The following OPCML variants were observed in gnomAD, a reference collection of about 807,000 sequenced individuals.
The protein encoded by OPCML is opioid binding protein/cell adhesion molecule like, also known as opioid-binding protein/cell adhesion molecule.
Under a neutral mutation model 37.8 loss-of-function variants are expected in OPCML, and 13 were observed. The observed-to-expected ratio is 0.34, with a 90% CI of 0.22 to 0.55. The LOEUF is 0.55. Ranked by LOEUF, OPCML falls within the 20% of genes least tolerant of loss-of-function variation. The pLI, the probability that OPCML is intolerant of heterozygous loss-of-function variation, is 0.91. For missense variants in OPCML, 341 were observed against 435.6 expected, an observed-to-expected ratio of 0.78 and a Z score of 1.93; for synonymous variants, 176 against 168.8, an observed-to-expected ratio of 1.04 and a Z score of -0.33.
At chr11:132,930,378 A>C (rs1399114325) in intron 2 of OPCML, among the ~76,000 whole-genome samples, 2 of 152,102 alleles carry the variant, frequency 1.3e-5, no homozygotes, top group African/African-American at 2.4e-5. Flanking sequence ...TGTCTCAAAA[A>C]ATAAAAATAA....
intron 2 of OPCML, among the ~76,000 whole-genome samples, chr11:132,922,099 C>G (rs915028367): frequency 2.0e-5 from 3 of 151,992 alleles, no homozygotes; most frequent in African/African-American, 7.2e-5. Context: ...AGGCTGGTCT[C>G]GAACTCCTGA....
intron 1 of OPCML, among the ~76,000 whole-genome samples, chr11:133,488,604 A>T (rs373824377): frequency 1.3e-5 from 2 of 152,304 alleles, no homozygotes; most frequent in South Asian, 2.1e-4. Context: ...ACACTAATAA[A>T]TGGAAAAAAT....
chr11:133,171,470 G>C (rs1950288147), intron 1 of OPCML, among the ~76,000 whole-genome samples: 1 of 152,204 alleles, frequency 6.6e-6, no homozygotes, highest in African/African-American at 2.4e-5. Context: ...TGTTAGAACA[G>C]TCTGTCACTC....
intron 1 of OPCML, among the ~76,000 whole-genome samples, chr11:133,455,525 C>A (rs951962421): frequency 6.6e-6 from 1 of 152,138 alleles, no homozygotes; most frequent in Non-Finnish European, 1.5e-5. Context: ...CTCCTCTCTG[C>A]GCAGTCATTT....
intron 2 of OPCML, among the ~76,000 whole-genome samples, chr11:132,888,589 A>G (rs573463948): frequency 1.3e-5 from 2 of 152,336 alleles, no homozygotes; most frequent in African/African-American, 4.8e-5. Flanking sequence ...TTGCTTCGGA[A>G]AAAGCTCTGT....
intron 1 of OPCML, among the ~76,000 whole-genome samples, chr11:133,474,059 C>T (rs1019585872): frequency 5.9e-5 from 9 of 152,312 alleles, no homozygotes; most frequent in African/African-American, 2.2e-4. Flanking sequence ...AAGACCCCAT[C>T]ATCTTTTTAC....
Position 132,485,345 on chromosome 11 carries a change from C to T in OPCML, c.505+43716G>A, listed in dbSNP as rs146842591. 7.1e-3 allele frequency among the ~76,000 whole-genome samples: 1,086 copies of T among 152,258 alleles called. 10 individuals carry two copies. The highest frequency in any genetic ancestry group is 0.024 in the African/African-American group (1,002 of 41,544). On this transcript the variant is annotated intron_variant, in intron 4 of 7. Coordinates refer to ENST00000524381, the MANE Select transcript of OPCML (RefSeq NM_001012393.5). ...GTAGGAGAGAGGGGGTTCCAATTCACGGTTCTTTGTGTTTTTTGTTTGTTT... is the reference window on the plus strand; with the variant it reads ...GTAGGAGAGAGGGGGTTCCAATTCATGGTTCTTTGTGTTTTTTGTTTGTTT...
chr11:132,814,441 A>G (rs1939518181), intron 2 of OPCML, among the ~76,000 whole-genome samples: 2 of 152,214 alleles, frequency 1.3e-5, no homozygotes, highest in South Asian at 4.1e-4. Flanking sequence ...ATCCCAGCCC[A>G]AGGGCAGAAG....
At chr11:133,008,127 A>G (rs1947147776) in intron 1 of OPCML, 2 of 985,302 alleles carry the variant, frequency 2.0e-6, no homozygotes, top group Non-Finnish European at 2.4e-6. Flanking sequence ...CAGTTCTCCA[A>G]GCCTCTTGGG....
intron 1 of OPCML, among the ~76,000 whole-genome samples, chr11:133,198,307 T>C (rs1343344912): frequency 4.6e-5 from 7 of 152,210 alleles, no homozygotes; most frequent in Non-Finnish European, 1.0e-4. Flanking sequence ...TTTCTCACAG[T>C]TCTGAGTTTT....
intron 3 of OPCML, among the ~76,000 whole-genome samples, chr11:132,633,203 C>T (rs1198122662): frequency 6.6e-6 from 1 of 152,030 alleles, no homozygotes; most frequent in Non-Finnish European, 1.5e-5. Flanking sequence ...CAATCGGTAG[C>T]TCTCTCTCTT....
chr11:132,966,800 A>C (rs985451604), intron 1 of OPCML, among the ~76,000 whole-genome samples: 1 of 151,992 alleles, frequency 6.6e-6, no homozygotes, highest in African/African-American at 2.4e-5. Flanking sequence ...TCATAGTAAA[A>C]TGTCCTTCAA....
chr11:132,930,646 T>G (rs904743400), intron 2 of OPCML, among the ~76,000 whole-genome samples: 13 of 152,108 alleles, frequency 8.5e-5, no homozygotes, highest in Admixed American at 1.3e-4. Context: ...AGGAATAAAT[T>G]TAACTAAGAA....
intron 1 of OPCML, among the ~76,000 whole-genome samples, chr11:133,119,330 T>A (rs901458955): frequency 1.3e-5 from 2 of 151,920 alleles, no homozygotes; most frequent in African/African-American, 4.8e-5. Flanking sequence ...AATATCTATA[T>A]CTTTTCAAAT....
intron 1 of OPCML, among the ~76,000 whole-genome samples, chr11:132,946,705 G>A (rs1945751943): frequency 6.6e-6 from 1 of 152,222 alleles, no homozygotes; most frequent in South Asian, 2.1e-4. Flanking sequence ...TCATCCATAA[G>A]CTCCCGAGGT....
At chr11:133,340,533 A>C (rs770024871) in intron 1 of OPCML, among the ~76,000 whole-genome samples, 1 of 151,836 alleles carries the variant, frequency 6.6e-6, no homozygotes, top group Non-Finnish European at 1.5e-5. Flanking sequence ...AAGCTTGTAT[A>C]TTTCCCTCTA....
intron 1 of OPCML, among the ~76,000 whole-genome samples, chr11:133,523,314 C>T (rs1027783128): frequency 1.9e-4 from 29 of 151,940 alleles, no homozygotes; most frequent in Admixed American, 7.9e-4. Flanking sequence ...AACCTGAGGA[C>T]GGACGCTCTT....
chr11:132,874,868 T>C (rs1942951019), intron 2 of OPCML, among the ~76,000 whole-genome samples: 1 of 152,158 alleles, frequency 6.6e-6, no homozygotes, highest in Non-Finnish European at 1.5e-5. Context: ...CTGAGAAATG[T>C]GGGCTTAGCT....
chr11:133,422,370 A>G (rs1945906599), intron 1 of OPCML: 1 of 910,672 alleles, frequency 1.1e-6, no homozygotes, highest in South Asian at 5.0e-5. Flanking sequence ...CTCTCAGACC[A>G]AAGACATTAT....
Sources: gnomAD v4.1 joint callset for allele counts (sites outside exome capture counted in the v4.1 genomes callset) on GRCh38, gnomAD v4.1.1 for gene constraint, MANE v1.5 for transcripts, NCBI Gene and HGNC (gene_info 2026-07-23, HGNC 2026-07-21) for gene names.